The following TEKT1 variants were observed in gnomAD, a reference collection of about 807,000 sequenced individuals.
TEKT1 encodes tektin 1.
Under a neutral mutation model 34.8 loss-of-function variants are expected in TEKT1, and 32 were observed. The ratio of observed to expected loss-of-function variants is 0.92; its 90% confidence interval spans 0.69 to 1.23. TEKT1 has a LOEUF of 1.23. Among genes scored for constraint, TEKT1 ranks in the 50% most tolerant of loss-of-function variants. The pLI, the probability that TEKT1 is intolerant of heterozygous loss-of-function variation, is 0.00. For synonymous variants in TEKT1, 207 were observed against 199.8 expected, an observed-to-expected ratio of 1.04 and a Z score of -0.30; for missense variants, 492 against 518.5, an observed-to-expected ratio of 0.95 and a Z score of 0.50.
Position 6,811,299 on chromosome 17 carries a change from A to G in TEKT1, c.852+1532T>C, listed in dbSNP as rs1201362132. Among the ~76,000 whole-genome samples the G allele has an allele frequency of 7.9e-6, 1 of 126,954 alleles. No individual in the cohort carries two copies. Among genetic ancestry groups the G allele is most frequent in the Admixed American group, 8.1e-5 (1 of 12,392 alleles). The allele number at this position is 126,954 out of a possible 152,430, so 83.3% of individuals were successfully genotyped here. A position where few individuals can be genotyped will look rare whatever the true frequency, so the allele number is the denominator to read the frequency against. ...GTATGATATTATATGTTAATCATAT[A>G]TGCAAAATGTGTGTGTGTGTGTGTG... On this transcript the variant is annotated intron_variant, in intron 6 of 7. Coordinates refer to ENST00000338694, the MANE Select transcript of TEKT1 (RefSeq NM_053285.2). The surrounding 1 kb of genome is among the most constrained non-coding windows in gnomAD (Gnocchi z 4.4).
rs972940472 is a variant in TEKT1 at position 6,811,862 on chromosome 17, G to A, written c.852+969C>T. Among the ~76,000 whole-genome samples, 3 of 152,092 alleles carry A rather than the reference G, an allele frequency of 2.0e-5. No homozygotes were observed. Among genetic ancestry groups the A allele is most frequent in the African/African-American group, 7.2e-5 (3 of 41,412 alleles). On this transcript the variant is annotated intron_variant, in intron 6 of 7. Transcript: ENST00000338694. The surrounding 1 kb of genome is among the most constrained non-coding windows in gnomAD (Gnocchi z 4.4). ...TGGGAGTATTTGTACTACAGACATC[G>A]ACAAATTCTACAGGAAGGACCCTAA... is the stretch of plus-strand genomic sequence containing the variant.
At chr17:6,815,378 C>T in intron 4 of TEKT1, 72 bp from the exon 5 acceptor site, 3 of 1,591,356 alleles carry the variant, frequency 1.9e-6, no homozygotes, top group Non-Finnish European at 2.6e-6. Context: ...CAGAGAGGTC[C>T]TGGAAAGTGA....
At chr17:6,802,322 G>A (rs1223702697) in intron 6 of TEKT1, among the ~76,000 whole-genome samples, 2 of 151,896 alleles carry the variant, frequency 1.3e-5, no homozygotes, top group African/African-American at 2.4e-5. Context: ...AGCTGCTTTC[G>A]ACTAATAATT....
rs183800183 is a variant in TEKT1 at position 6,801,151 on chromosome 17, G to A, written c.853-208C>T. ...AGACTTAAAACCTTATGGACTCAAG[G>A]GACAGGACGGGCCATTGTCACCTCA... is the stretch of plus-strand genomic sequence containing the variant. On this transcript the variant is annotated intron_variant, in intron 6 of 7. Transcript: ENST00000338694. 4.7e-4 allele frequency among the ~76,000 whole-genome samples: 71 copies of A among 152,258 alleles called. 1 individual carries two copies. Among genetic ancestry groups the A allele is most frequent in the Non-Finnish European group, 1.5e-5 (1 of 68,022 alleles).
intron 6 of TEKT1, among the ~76,000 whole-genome samples, chr17:6,801,508 G>C (rs1349527830): frequency 6.6e-6 from 1 of 152,114 alleles, no homozygotes; most frequent in Non-Finnish European, 1.5e-5. Flanking sequence ...AGGAGTTCGA[G>C]ACCAGCCTGC....
intron 3 of TEKT1, among the ~76,000 whole-genome samples, chr17:6,817,530 A>G (rs1468414068): frequency 6.6e-6 from 1 of 152,190 alleles, no homozygotes; most frequent in Non-Finnish European, 1.5e-5. Flanking sequence ...CCTTTCAAGT[A>G]CAGATGGGGA....
chr17:6,800,225 T>C lies in TEKT1; in HGVS notation c.1059A>G (p.Glu353=), dbSNP rs1166874445. The change falls in exon 8 of 8, where the codon GAA becomes GAG. Residue 353 remains glutamate, a synonymous_variant. Coordinates refer to ENST00000338694, the MANE Select transcript of TEKT1 (RefSeq NM_053285.2). ...GCTCTGCCTGAGCTTGGGCTAAAGT[T>C]TCCTTCAATCTAGGAGAAAGGGAAG... is the stretch of plus-strand genomic sequence containing the variant. ...EITHNVARLK[E]TLAQAQAELK... 2 of 1,613,530 alleles carry C rather than the reference T, an allele frequency of 1.2e-6. No individual in the cohort carries two copies. Among genetic ancestry groups the C allele is most frequent in the Non-Finnish European group, 1.7e-6 (2 of 1,179,870 alleles).
chr17:6,825,039 AG>A (rs1904357361), intron 2 of TEKT1, among the ~76,000 whole-genome samples: 1 of 152,216 alleles, frequency 6.6e-6, no homozygotes, highest in Non-Finnish European at 1.5e-5. Context: ...GAGAAGAAAA[AG>A]CTAAGAAGAT....
At chr17:6,802,787 C>T (rs1976793525) in intron 6 of TEKT1, among the ~76,000 whole-genome samples, 1 of 152,138 alleles carries the variant, frequency 6.6e-6, no homozygotes, top group Admixed American at 6.5e-5. Flanking sequence ...AGAACTTCAT[C>T]CATGTCCCTG....
At position 6,815,833 on chromosome 17, in the gene TEKT1, C is replaced by A. The variant is rs79441858; in HGVS notation, c.485+1G>T. ...TTGGAGGGCAGGCCGAAGAGTCATA[C>A]CGAATCTGCTCGGAAGCCTCCTCCA... On this transcript the variant is annotated splice_donor_variant, in intron 4 of 7. Transcript: ENST00000338694. LOFTEE classifies it high-confidence loss of function. The A allele has an allele frequency of 3.7e-6, 6 of 1,614,140 alleles. No homozygotes were observed. The East Asian group carries it at 1.3e-4, about 36-fold the overall frequency.
chr17:6,815,032 T>G, intron 5 of TEKT1, 131 bp downstream of exon 5: 1 of 1,160,094 alleles, frequency 8.6e-7, no homozygotes, highest in South Asian at 1.5e-5. Context: ...AAGGTCACCA[T>G]TCAATGCTGC....
intron 5 of TEKT1, among the ~76,000 whole-genome samples, chr17:6,813,591 CAT>C (rs1555554519): frequency 3.5e-5 from 5 of 141,324 alleles, no homozygotes; most frequent in African/African-American, 1.0e-4. Context: ...CACACACACA[CAT>C]ATCTAGTATA....
chr17:6,819,092 A>T, intron 3 of TEKT1, 101 bp downstream of exon 3: 3 of 1,395,274 alleles, frequency 2.2e-6, no homozygotes, highest in Non-Finnish European at 2.9e-6. Context: ...ACACCTGCTC[A>T]AGTGCTGTGT....
rs543921669 is a variant in TEKT1 at position 6,825,640 on chromosome 17, A to G, written c.190+4547T>C. Among the ~76,000 whole-genome samples, 7 of 152,336 alleles carry G rather than the reference A, an allele frequency of 4.6e-5. No individual in the cohort carries two copies. The East Asian group carries it at 1.2e-3, about 25-fold the overall frequency. ...GTCTCTCATGACCCCTTCCAGTTCT[A>G]TCATTCCACACACCAAGGTATAGAT... On this transcript the variant is annotated intron_variant, in intron 2 of 7. Coordinates refer to ENST00000338694, the MANE Select transcript of TEKT1 (RefSeq NM_053285.2).
intron 2 of TEKT1, among the ~76,000 whole-genome samples, chr17:6,829,930 A>G (rs1166564090): frequency 6.6e-6 from 1 of 152,202 alleles, no homozygotes; most frequent in Non-Finnish European, 1.5e-5. Context: ...CCTAGTGTGT[A>G]GTACATAGAT....
At position 6,819,170 on chromosome 17, in the gene TEKT1, A is replaced by G; in HGVS notation, c.356+23T>C. The G allele has an allele frequency of 1.9e-6, 3 of 1,604,460 alleles. No individual in the cohort carries two copies. In the South Asian group the frequency reaches 3.4e-5, roughly 18 times the overall value. ...TCTCATTTGTCACAACACATGAATC[A>G]TTTGAGGGACCTTCGCTCCTACCTG... On this transcript the variant is annotated intron_variant, in intron 3 of 7. Transcript: ENST00000338694.
At chr17:6,810,357 G>A (rs552969716) in intron 6 of TEKT1, among the ~76,000 whole-genome samples, 205 of 152,210 alleles carry the variant, frequency 1.3e-3, no homozygotes, top group Non-Finnish European at 2.3e-3. Context: ...TTCTTTGTAC[G>A]TTTTGGATAA....
chr17:6,823,985 G>C (rs1045515972), intron 2 of TEKT1, among the ~76,000 whole-genome samples: 8 of 151,910 alleles, frequency 5.3e-5, no homozygotes, highest in African/African-American at 1.9e-4. Flanking sequence ...ACCATGCCTG[G>C]CTAATTTTTT....
intron 5 of TEKT1, among the ~76,000 whole-genome samples, chr17:6,813,342 A>C (rs369777040): frequency 0.056 from 8,538 of 152,232 alleles, 295 homozygotes; most frequent in South Asian, 0.085. Flanking sequence ...CTGAGCTCAG[A>C]AAAATGAAGT....
Sources: gnomAD v4.1 joint callset for allele counts (sites outside exome capture counted in the v4.1 genomes callset) on GRCh38, gnomAD v4.1.1 for gene constraint, Gnocchi (gnomAD v3.1) non-coding constraint, MANE v1.5 for transcripts, NCBI Gene and HGNC (gene_info 2026-07-23, HGNC 2026-07-21) for gene names.